The following P4HA3 variants were observed in gnomAD, a reference collection of about 807,000 sequenced individuals.
The protein encoded by P4HA3 is prolyl 4-hydroxylase subunit alpha-3.
P4HA3 carries 60 observed loss-of-function variants against 66.7 expected under a neutral mutation model. That is an observed-to-expected ratio of 0.90 (90% CI 0.73 to 1.12). P4HA3 has a LOEUF of 1.12. Among genes scored for constraint, P4HA3 ranks in the 50% most tolerant of loss-of-function variants. The probability of loss-of-function intolerance (pLI) is 0.00; values close to 1 mark genes in which losing one functional copy is unlikely to be tolerated. For missense variants in P4HA3, 683 were observed against 685.8 expected (o/e 1.00, Z 0.05); for synonymous variants, 263 against 274.6 (o/e 0.96, Z 0.42).
chr11:74,293,067 T>C (rs1861088115), intron 4 of P4HA3, among the ~76,000 whole-genome samples: 1 of 152,024 alleles, frequency 6.6e-6, no homozygotes, highest in South Asian at 2.1e-4. Context: ...CCCATTATTA[T>C]TGTGTGGGAG....
intron 10 of P4HA3, among the ~76,000 whole-genome samples, chr11:74,271,576 G>A (rs1860200256): frequency 6.6e-6 from 1 of 151,894 alleles, no homozygotes; most frequent in Admixed American, 6.6e-5. Context: ...TACCCAGGCT[G>A]GACTCGAACT....
intron 7 of P4HA3, 75 bp downstream of exon 7, chr11:74,285,734 C>T: frequency 2.0e-6 from 3 of 1,467,556 alleles, no homozygotes; most frequent in Admixed American, 3.9e-5. Flanking sequence ...GTTCAGGTTG[C>T]CTATTCTTAC....
chr11:74,286,630 A>G (rs1215670408), intron 5 of P4HA3, among the ~76,000 whole-genome samples: 1 of 152,132 alleles, frequency 6.6e-6, no homozygotes, highest in Middle Eastern at 3.2e-3. Context: ...GGGTTTTGGG[A>G]AGCAAAGTGG....
intron 8 of P4HA3, among the ~76,000 whole-genome samples, chr11:74,278,346 G>T (rs1045535275): frequency 6.6e-6 from 1 of 152,144 alleles, no homozygotes; most frequent in East Asian, 1.9e-4. Context: ...CAGGCTCAGG[G>T]CATGACATAG....
chr11:74,280,463 A>C (rs2134749714), intron 7 of P4HA3, among the ~76,000 whole-genome samples: 1 of 152,282 alleles, frequency 6.6e-6, no homozygotes, highest in Middle Eastern at 3.4e-3. Flanking sequence ...CCGGGCCTAA[A>C]TTATTTTTAA....
chr11:74,253,057 T>C (rs776601436), intron 15 of P4HA3, among the ~76,000 whole-genome samples: 1 of 152,138 alleles, frequency 6.6e-6, no homozygotes, highest in Non-Finnish European at 1.5e-5. Flanking sequence ...GCAGAAGAAA[T>C]ATTAAGAAAA....
chr11:74,295,528 A>C (rs1861186158), intron 4 of P4HA3, among the ~76,000 whole-genome samples: 2 of 152,244 alleles, frequency 1.3e-5, no homozygotes. Context: ...ATTATGAAAC[A>C]TATGAGAAAT....
intron 15 of P4HA3, chr11:74,251,722 CG>C (rs1218178870): frequency 6.2e-7 from 1 of 1,613,852 alleles, no homozygotes; most frequent in Non-Finnish European, 8.5e-7. Flanking sequence ...AGTGGTAAGG[CG>C]GGTACAAGGG....
rs958208616 is a variant in P4HA3 at position 74,294,262 on chromosome 11, G to A, written c.717+3950C>T. Among the ~76,000 whole-genome samples the A allele has an allele frequency of 4.6e-5, 7 of 152,006 alleles. 1 individual carries two copies. The highest frequency in any genetic ancestry group is 4.1e-4 in the South Asian group (2 of 4,822). On this transcript the variant is annotated intron_variant, in intron 4 of 12. Coordinates refer to ENST00000331597, the MANE Select transcript of P4HA3 (RefSeq NM_182904.5). ...ATCGGCTACTGAGGCTTCTGCATTCGTCACGTAGCTCTCGTGCCTTGGTTT... is the reference window on the plus strand; with the variant it reads ...ATCGGCTACTGAGGCTTCTGCATTCATCACGTAGCTCTCGTGCCTTGGTTT...
chr11:74,283,627 A>G (rs747218139), intron 7 of P4HA3, among the ~76,000 whole-genome samples: 2 of 152,232 alleles, frequency 1.3e-5, no homozygotes, highest in South Asian at 2.1e-4. Context: ...GGTGTCTCAC[A>G]TCTAGCTTCA....
intron 15 of P4HA3, chr11:74,251,801 C>T: frequency 1.3e-6 from 2 of 1,530,204 alleles, no homozygotes; most frequent in Non-Finnish European, 1.8e-6. Context: ...ATATCTCTGC[C>T]TTACCCCTGC....
At chr11:74,256,355 G>C (rs771873376) in intron 15 of P4HA3, among the ~76,000 whole-genome samples, 4 of 152,176 alleles carry the variant, frequency 2.6e-5, no homozygotes, top group Non-Finnish European at 5.9e-5. Context: ...TGTGTTTTAG[G>C]CACTTTCATC....
intron 1 of P4HA3, 136 bp from the exon 2 acceptor site, chr11:74,304,548 C>CA: frequency 9.5e-7 from 1 of 1,049,746 alleles, no homozygotes. Context: ...ATAGTCCAAC[C>CA]AAAAAGCCAT....
At chr11:74,281,892 T>C (rs1223221688) in intron 7 of P4HA3, among the ~76,000 whole-genome samples, 1 of 146,898 alleles carries the variant, frequency 6.8e-6, no homozygotes, top group Non-Finnish European at 1.5e-5. Context: ...ATAATAATAA[T>C]AATAATAAAA....
chr11:74,275,912 C>T (rs961999058), intron 9 of P4HA3, among the ~76,000 whole-genome samples: 1 of 152,078 alleles, frequency 6.6e-6, no homozygotes, highest in Admixed American at 6.5e-5. Flanking sequence ...AAATGTCCAT[C>T]GATGGTTGAT....
intron 10 of P4HA3, among the ~76,000 whole-genome samples, chr11:74,270,465 G>C (rs1212592757): frequency 6.8e-6 from 1 of 146,428 alleles, no homozygotes; most frequent in Non-Finnish European, 1.6e-5. Context: ...ATTGTAAACT[G>C]TTTTAAAACA....
intron 4 of P4HA3, 133 bp downstream of exon 4, chr11:74,298,079 C>T (rs1861284240): frequency 9.2e-7 from 1 of 1,083,246 alleles, no homozygotes; most frequent in South Asian, 1.8e-5. Flanking sequence ...AAATAACTTC[C>T]CTGCTTGGCT....
chr11:74,273,820 G>A (rs188899257), intron 9 of P4HA3, among the ~76,000 whole-genome samples: 6,041 of 151,866 alleles, frequency 0.04, 126 homozygotes, highest in Middle Eastern at 0.11. Flanking sequence ...TTATATAAAA[G>A]AATTGTCTAC....
chr11:74,272,225 C>T (rs12275434), intron 10 of P4HA3, among the ~76,000 whole-genome samples: 10 of 152,006 alleles, frequency 6.6e-5, no homozygotes, highest in African/African-American at 1.9e-4. Context: ...CACATACACA[C>T]ACACACACAC....
Sources: allele counts gnomAD v4.1 joint callset (sites outside exome capture counted in the v4.1 genomes callset), GRCh38; gene constraint gnomAD v4.1.1; transcripts MANE v1.5; gene names NCBI Gene and HGNC (gene_info 2026-07-23, HGNC 2026-07-21).